The following AOX1 variants were observed in gnomAD, a reference collection of about 807,000 sequenced individuals.
AOX1 encodes aldehyde oxidase.
AOX1 carries 153 observed loss-of-function variants against 169.5 expected under a neutral mutation model. That is an observed-to-expected ratio of 0.90 (90% CI 0.79 to 1.03). The LOEUF is 1.03. Ranked by LOEUF, AOX1 falls within the 50% of genes least tolerant of loss-of-function variation. The pLI is 0.00. For synonymous variants in AOX1, 562 were observed against 581.9 expected (o/e 0.97, Z 0.49); for missense variants, 1,656 against 1,663.9 (o/e 1.00, Z 0.08).
chr2:200,638,669 T>G (rs905092294), intron 23 of AOX1, among the ~76,000 whole-genome samples: 1 of 151,840 alleles, frequency 6.6e-6, no homozygotes, highest in Non-Finnish European at 1.5e-5. Flanking sequence ...AGTAGTGTTA[T>G]GTGAAATTGC....
chr2:200,675,185 C>T (rs2036078887), downstream of AOX1, among the ~76,000 whole-genome samples: 1 of 152,128 alleles, frequency 6.6e-6, no homozygotes, highest in Admixed American at 6.5e-5. Flanking sequence ...AAAATGAGCA[C>T]TCTGTATGAT....
At chr2:200,612,138 G>A (rs1373225483) in intron 13 of AOX1, among the ~76,000 whole-genome samples, 1 of 151,972 alleles carries the variant, frequency 6.6e-6, no homozygotes, top group African/African-American at 2.4e-5. Flanking sequence ...CTTGGGTTTT[G>A]AAAAAAGCCT....
intron 32 of AOX1, 21 bp from the exon 33 acceptor site, chr2:200,668,594 C>T (rs750776522): frequency 4.4e-6 from 7 of 1,579,914 alleles, no homozygotes; most frequent in Non-Finnish European, 3.4e-6. Context: ...CGTGGAAATT[C>T]TTTTTTTGTT....
At chr2:200,600,478 G>T (rs1053945473) in intron 5 of AOX1, among the ~76,000 whole-genome samples, 16 of 151,558 alleles carry the variant, frequency 1.1e-4, no homozygotes, top group African/African-American at 3.4e-4. Context: ...TATGTGGCGG[G>T]GGGGGACATC....
chr2:200,587,570 T>C (rs1574900032), intron 1 of AOX1, among the ~76,000 whole-genome samples: 3 of 152,284 alleles, frequency 2.0e-5, no homozygotes, highest in East Asian at 3.9e-4. Context: ...AATTGTACAT[T>C]AGGCCCCTCA....
chr2:200,654,812 A>G (rs1037940182), intron 26 of AOX1, among the ~76,000 whole-genome samples: 1 of 152,208 alleles, frequency 6.6e-6, no homozygotes, highest in African/African-American at 2.4e-5. Flanking sequence ...TGTTTTATAG[A>G]TGAAGCTTTG....
intron 20 of AOX1, among the ~76,000 whole-genome samples, chr2:200,630,793 C>T (rs1311155300): frequency 6.6e-6 from 1 of 152,132 alleles, no homozygotes; most frequent in African/African-American, 2.4e-5. Context: ...ATTATCATAG[C>T]AACACTTTAT....
At chr2:200,676,492 T>C (rs1431831269), downstream of AOX1, among the ~76,000 whole-genome samples, 4 of 150,626 alleles carry the variant, frequency 2.7e-5, no homozygotes, top group Non-Finnish European at 5.9e-5. Context: ...CCCAGCTACT[T>C]GGGAGGCTGA....
Position 200,666,732 on chromosome 2 carries a change from C to A in AOX1, c.3589C>A (p.Pro1197Thr). 6.2e-7 allele frequency: 1 copy of A among 1,610,854 alleles called. No individual in the cohort carries two copies. Among genetic ancestry groups the A allele is most frequent in the Non-Finnish European group, 8.5e-7 (1 of 1,179,100 alleles). ...CATGGATGTTGGCTGCAGTATAAAT[C>A]CAGCCATTGACATAGGCCAGGTACG... Reference protein sequence around the residue: ...IVMDVGCSINPAIDIGQIEGA... With the variant: ...IVMDVGCSINTAIDIGQIEGA... The change falls in exon 32 of 35, where the codon CCA (proline) becomes ACA (threonine). Residue 1197 changes from proline (P) to threonine (T), a missense_variant. Pro to Thr is a conservative substitution (Grantham distance 38). Transcript: ENST00000374700.
rs1274676909 is a variant in AOX1, at chr2:200,602,333, G to A, written c.486G>A (p.Lys162=). 3 of 1,613,684 alleles carry A rather than the reference G, an allele frequency of 1.9e-6. No individual in the cohort carries two copies. The highest frequency in any genetic ancestry group is 2.2e-5 in the East Asian group (1 of 44,870). ...ACAGGCCCATAATTGATGCATGCAA[G>A]ACTTTCTGTAAAGTAAGTGGAAAGG... ...TGYRPIIDAC[K]TFCKTSGCCQ... is the part of the protein sequence containing the mutation. Residue 162 remains lysine (K), a synonymous_variant, in exon 6 of 35, where the codon AAG becomes AAA. Transcript: ENST00000374700.
chr2:200,620,293 G>A (rs1281263959), intron 16 of AOX1, among the ~76,000 whole-genome samples: 1 of 151,214 alleles, frequency 6.6e-6, no homozygotes, highest in Non-Finnish European at 1.5e-5. Flanking sequence ...CTGCCTCCCA[G>A]GTTCCAGCGA....
chr2:200,603,257 TG>T lies in AOX1; in HGVS notation c.499-9del. ...AATAAATTCCTAGTGATTTGTTTTT[TG>T]TCCACTAGACTTCGGGCTGCTGTCA... is the stretch of plus-strand genomic sequence containing the variant. On this transcript the variant is annotated splice_polypyrimidine_tract_variant and intron_variant, in intron 6 of 34. Coordinates refer to ENST00000374700, the MANE Select transcript of AOX1 (RefSeq NM_001159.4). 6.2e-7 allele frequency: 1 copy of T among 1,611,734 alleles called. No individual in the cohort carries two copies. The highest frequency in any genetic ancestry group is 8.5e-7 in the Non-Finnish European group (1 of 1,177,998).
At chr2:200,681,485 G>A (rs994010847), downstream of AOX1, 4 of 152,670 alleles carry the variant, frequency 2.6e-5, no homozygotes, top group Non-Finnish European at 5.9e-5. Context: ...TGGAAATCTT[G>A]AGTGGTAAGT....
rs59092781 is a variant in AOX1 at position 200,663,212 on chromosome 2, G to T, written c.3543+243G>T. Among the ~76,000 whole-genome samples the T allele has an allele frequency of 9.1e-3, 1,388 of 152,272 alleles. 20 individuals are homozygous for T. The highest frequency in any genetic ancestry group is 0.032 in the African/African-American group (1,325 of 41,554). On this transcript the variant is annotated intron_variant, in intron 31 of 34. Transcript: ENST00000374700. ...GGCCCTTTTAAATGGAATCAGGAAAGAAACTACATGAAGAAAGAAACATGC... is the reference window on the plus strand; with the variant it reads ...GGCCCTTTTAAATGGAATCAGGAAATAAACTACATGAAGAAAGAAACATGC...
downstream of AOX1, among the ~76,000 whole-genome samples, chr2:200,674,971 C>T (rs1323453199): frequency 2.0e-5 from 3 of 152,230 alleles, no homozygotes; most frequent in South Asian, 2.1e-4. Flanking sequence ...TGTAACATCA[C>T]GCCGGGGCAA....
downstream of AOX1, among the ~76,000 whole-genome samples, chr2:200,674,275 GA>G (rs202043857): frequency 7.8e-3 from 1,195 of 152,348 alleles, 14 homozygotes; most frequent in African/African-American, 0.027. Context: ...TGGCAGTATA[GA>G]CCCTCTTAGA....
chr2:200,681,926 GT>G (rs142793319), downstream of AOX1, among the ~76,000 whole-genome samples: 250 of 145,936 alleles, frequency 1.7e-3, 3 homozygotes, highest in East Asian at 0.017. Flanking sequence ...ACCTTTTGGG[GT>G]TTTTTTTTTT....
At chr2:200,665,407 C>T (rs1341397535) in intron 31 of AOX1, among the ~76,000 whole-genome samples, 1 of 152,192 alleles carries the variant, frequency 6.6e-6, no homozygotes, top group African/African-American at 2.4e-5. Flanking sequence ...ACACGACAGA[C>T]AGCACTAAGC....
At chr2:200,659,465 C>A (rs960905973) in intron 28 of AOX1, among the ~76,000 whole-genome samples, 172 bp downstream of exon 28, 2 of 152,198 alleles carry the variant, frequency 1.3e-5, no homozygotes, top group Non-Finnish European at 2.9e-5. Flanking sequence ...AATGCCACCT[C>A]TTTTTCTCCC....
Sources: allele counts gnomAD v4.1 joint callset (sites outside exome capture counted in the v4.1 genomes callset), GRCh38; gene constraint gnomAD v4.1.1; transcripts MANE v1.5; gene names NCBI Gene and HGNC (gene_info 2026-07-23, HGNC 2026-07-21).